Variants in SLC9A1 observed in about 807,000 individuals in gnomAD.
SLC9A1 encodes sodium/hydrogen exchanger 1.
Under a neutral mutation model 67.9 loss-of-function variants are expected in SLC9A1, and 22 were observed. That is an observed-to-expected ratio of 0.32 (90% CI 0.23 to 0.46). The LOEUF is 0.46. Among genes scored for constraint, SLC9A1 ranks in the 20% least tolerant of loss-of-function variants. The pLI is 1.00. For synonymous variants in SLC9A1, 421 were observed against 471.8 expected, an observed-to-expected ratio of 0.89 and a Z score of 1.40; for missense variants, 686 against 1,094.8, an observed-to-expected ratio of 0.63 and a Z score of 5.27.
chr1:27,131,949 T>TAAAAAAAAAAAAAAAAAAAAAAAAAA (rs200128151), intron 1 of SLC9A1, among the ~76,000 whole-genome samples: 2 of 25,300 alleles, frequency 7.9e-5, no homozygotes, highest in African/African-American at 1.9e-4. Flanking sequence ...AAAAAAAAAA[T>TAAAAAAAAAAAAAAAAAAAAAAAAAA]ATATATATAT....
chr1:27,139,572 C>T (rs528825356), intron 1 of SLC9A1, among the ~76,000 whole-genome samples: 2 of 151,252 alleles, frequency 1.3e-5, no homozygotes, highest in Non-Finnish European at 2.9e-5. Context: ...TATACCAGGG[C>T]GACAGCCATC....
chr1:27,116,015 T>C (rs991642525), intron 1 of SLC9A1, among the ~76,000 whole-genome samples: 8 of 152,114 alleles, frequency 5.3e-5, no homozygotes, highest in African/African-American at 1.9e-4. Flanking sequence ...CCAAAGCCCT[T>C]CCTACTCTCA....
Position 27,100,539 on chromosome 1 carries a change from C to A in SLC9A1, c.2216G>T (p.Gly739Val). The A allele has an allele frequency of 3.7e-6, 6 of 1,614,072 alleles. No individual in the cohort carries two copies. Among genetic ancestry groups the A allele is most frequent in the Non-Finnish European group, 5.1e-6 (6 of 1,179,944 alleles). The change falls in exon 12 of 12, where the codon GGC becomes GTC. Residue 739 changes from glycine (G) to valine (V), a missense_variant. By Grantham distance (109) the Gly-to-Val change is moderately radical (BLOSUM62 -3). Coordinates refer to ENST00000263980, the MANE Select transcript of SLC9A1 (RefSeq NM_003047.5). The surrounding 1 kb of genome is among the most constrained non-coding windows in gnomAD (Gnocchi z 5.6). ...ATCCCGGCTCAACCCTAAGACTTTGCCCTTCAGCTCTTCATTCACCAGGTC... is the reference window on the plus strand; with the variant it reads ...ATCCCGGCTCAACCCTAAGACTTTGACCTTCAGCTCTTCATTCACCAGGTC... ...SVDLVNEELK[G>V]KVLGLSRDPA...
At chr1:27,149,105 A>T (rs999610946) in intron 1 of SLC9A1, among the ~76,000 whole-genome samples, 1 of 152,208 alleles carries the variant, frequency 6.6e-6, no homozygotes, top group African/African-American at 2.4e-5. Context: ...GAACACCTAC[A>T]GCTTTCTCAA....
chr1:27,120,282 C>T (rs926580800), intron 1 of SLC9A1, among the ~76,000 whole-genome samples: 1 of 151,770 alleles, frequency 6.6e-6, no homozygotes, highest in South Asian at 2.1e-4. Context: ...CCCACCATGG[C>T]GCCTGGCTAA....
intron 3 of SLC9A1, among the ~76,000 whole-genome samples, chr1:27,108,111 G>C (rs1383332885): frequency 7.0e-6 from 1 of 143,782 alleles, no homozygotes; most frequent in Non-Finnish European, 1.5e-5. Flanking sequence ...CTGTCACCCA[G>C]GCTGGAGAGC....
intron 2 of SLC9A1, among the ~76,000 whole-genome samples, chr1:27,113,365 C>G (rs1256866809): frequency 1.3e-5 from 2 of 152,112 alleles, no homozygotes; most frequent in African/African-American, 4.8e-5. Flanking sequence ...AAGGCTGAGG[C>G]AGGAGGATCT....
chr1:27,146,993 C>T (rs191974713), intron 1 of SLC9A1, among the ~76,000 whole-genome samples: 5 of 151,302 alleles, frequency 3.3e-5, no homozygotes, highest in South Asian at 2.1e-4. Flanking sequence ...AAAATTAGGC[C>T]GGGCGCGGTG....
rs1249004712 is a variant in SLC9A1 at position 27,123,690 on chromosome 1, T to C, written c.353-9404A>G. Among the ~76,000 whole-genome samples the C allele has an allele frequency of 2.6e-5, 4 of 151,312 alleles. No individual in the cohort carries two copies. The East Asian group carries it at 5.8e-4, about 22-fold the overall frequency. ...CACACCTGGCTAATTTTTGTGTTTT[T>C]AGTAGAGATGGGGTTTCACTATGCT... On this transcript the variant is annotated intron_variant, in intron 1 of 11. Transcript: ENST00000263980.
chr1:27,138,206 C>T (rs2083431769), intron 1 of SLC9A1, among the ~76,000 whole-genome samples: 2 of 152,248 alleles, frequency 1.3e-5, no homozygotes, highest in African/African-American at 4.8e-5. Context: ...TCCATTCTCA[C>T]ACCATGCTTC....
In SLC9A1 at chr1:27,100,256, C is replaced by G. The variant is rs956619308; in HGVS notation, c.*51G>C. 4 of 1,373,974 alleles carry G rather than the reference C, an allele frequency of 2.9e-6. No individual in the cohort carries two copies. The highest frequency in any genetic ancestry group is 2.9e-5 in the African/African-American group (2 of 68,434). The allele number at this position is 1,373,974 out of a possible 1,614,324, so 85.1% of individuals were successfully genotyped here. A position where few individuals can be genotyped will look rare whatever the true frequency, so the allele number is the denominator to read the frequency against. ...CAAGGGGAGCCCCCAGCAGCCCCTG[C>G]TCTGGTGGAAGAGTCTGTGAGGGGA... On this transcript the variant is annotated 3_prime_UTR_variant, in exon 12 of 12. Transcript: ENST00000263980. This position sits in a 1 kb window ranked among gnomAD's most constrained non-coding sequence, Gnocchi z 5.6.
chr1:27,153,016 G>A (rs570517503), intron 1 of SLC9A1, among the ~76,000 whole-genome samples: 1 of 152,170 alleles, frequency 6.6e-6, no homozygotes, highest in Non-Finnish European at 1.5e-5. Context: ...GGCAATGTAG[G>A]CTCCAGTAAG....
chr1:27,118,264 C>A lies in SLC9A1; in HGVS notation c.353-3978G>T, dbSNP rs1490733512. Among the ~76,000 whole-genome samples the A allele has an allele frequency of 1.3e-5, 2 of 152,180 alleles. No individual in the cohort carries two copies. Among genetic ancestry groups the A allele is most frequent in the Non-Finnish European group, 2.9e-5 (2 of 68,018 alleles). On this transcript the variant is annotated intron_variant, in intron 1 of 11. Transcript: ENST00000263980. The surrounding 1 kb of genome is among the most constrained non-coding windows in gnomAD (Gnocchi z 4.3). ...GAGGGGAGGGCCGGGCCGGGCCAGG[C>A]TGAGGAGAAAGGTCTGAGATCCACT... is the stretch of plus-strand genomic sequence containing the variant.
Position 27,101,933 on chromosome 1 carries a change from G to A in SLC9A1, c.1935+83C>T, listed in dbSNP as rs1333022462. The A allele has an allele frequency of 1.8e-5, 26 of 1,419,758 alleles. No homozygotes were observed. The highest frequency in any genetic ancestry group is 2.4e-5 in the Non-Finnish European group (24 of 1,007,934). The allele number at this position is 1,419,758 out of a possible 1,614,324, so 87.9% of individuals were successfully genotyped here. ...GCCAGTCCTGGGGTGGGTGCCGAGG[G>A]GCACGGGCAGGGCAGGGCTGCCGTA... On this transcript the variant is annotated intron_variant, in intron 9 of 11. Coordinates refer to ENST00000263980, the MANE Select transcript of SLC9A1 (RefSeq NM_003047.5). The surrounding 1 kb of genome is among the most constrained non-coding windows in gnomAD (Gnocchi z 4.9).
chr1:27,150,234 C>T (rs2083517357), intron 1 of SLC9A1, among the ~76,000 whole-genome samples: 1 of 152,144 alleles, frequency 6.6e-6, no homozygotes, highest in South Asian at 2.1e-4. Context: ...TATTCACAGA[C>T]TTAATCTACA....
chr1:27,104,038 G>C (rs2083166741), intron 5 of SLC9A1: 1 of 150,548 alleles, frequency 6.6e-6, no homozygotes, highest in African/African-American at 2.4e-5. Flanking sequence ...TTTGAAGATG[G>C]AAGCAGGGCA....
At position 27,107,257 on chromosome 1, in the gene SLC9A1, C is replaced by G. The variant is rs199585242; in HGVS notation, c.1282+391G>C. Among the ~76,000 whole-genome samples, 58 of 130,924 alleles carry G rather than the reference C, an allele frequency of 4.4e-4. 1 individual carries two copies. In the South Asian group the frequency reaches 6.2e-3, roughly 14 times the overall value. The allele number at this position is 130,924 out of a possible 152,430, so 85.9% of individuals were successfully genotyped here. A position where few individuals can be genotyped will look rare whatever the true frequency, so the allele number is the denominator to read the frequency against. ...ACCCCTACACACACACCCAGCCCTT[C>G]CACATATACACCCAGCCCCTCCACA... On this transcript the variant is annotated intron_variant, in intron 4 of 11. Transcript: ENST00000263980.
rs1298563995 is a variant in SLC9A1, at chr1:27,137,443, T to C, written c.352+16540A>G. Among the ~76,000 whole-genome samples, 1 of 152,202 alleles carries C rather than the reference T, an allele frequency of 6.6e-6. No individual in the cohort carries two copies. The highest frequency in any genetic ancestry group is 1.5e-5 in the Non-Finnish European group (1 of 68,036). On this transcript the variant is annotated intron_variant, in intron 1 of 11. Transcript: ENST00000263980. This position sits in a 1 kb window ranked among gnomAD's most constrained non-coding sequence, Gnocchi z 4.6. Reference sequence around the variant, plus strand: ...CATCATGTCAGACATTTAGAAGCCCTTACTGCTAGGTGCTCGCCTCAGCAT... The same window carrying C: ...CATCATGTCAGACATTTAGAAGCCCCTACTGCTAGGTGCTCGCCTCAGCAT...
Position 27,100,335 on chromosome 1 carries a change from C to G in SLC9A1, c.2420G>C (p.Gly807Ala). 6.5e-7 allele frequency: 1 copy of G among 1,536,554 alleles called. No individual in the cohort carries two copies. Among genetic ancestry groups the G allele is most frequent in the Non-Finnish European group, 8.8e-7 (1 of 1,141,748 alleles). ...DPGPHPEPGE[G>A]EPFFPKGQ ...CTGCCCCTTGGGGAAGAACGGTTCT[C>G]CCTCCCCAGGCTCAGGGTGTGGGCC... is the stretch of plus-strand genomic sequence containing the variant. Residue 807 changes from glycine to alanine, a missense_variant, in exon 12 of 12, where the codon GGA (glycine) becomes GCA (alanine). Physicochemically the swap from Gly to Ala is moderately conservative, Grantham distance 60. This residue lies in a region of SLC9A1 where 226 missense variants were observed against 282.4 expected (regional missense o/e 0.80). Transcript: ENST00000263980. The surrounding 1 kb of genome is among the most constrained non-coding windows in gnomAD (Gnocchi z 5.6).
Sources: gnomAD v4.1 joint callset for allele counts (sites outside exome capture counted in the v4.1 genomes callset) on GRCh38, gnomAD v4.1.1 for gene constraint, gnomAD v4.1.1 regional missense constraint, Gnocchi (gnomAD v3.1) non-coding constraint, MANE v1.5 for transcripts, NCBI Gene and HGNC (gene_info 2026-07-23, HGNC 2026-07-21) for gene names.